KIAA0825: variants seen among roughly 807,000 people sequenced by gnomAD.
The protein encoded by KIAA0825 is KIAA0825, also known as uncharacterized protein KIAA0825.
A neutral mutation model predicts 147.6 loss-of-function variants in KIAA0825; 119 were observed. That is an observed-to-expected ratio of 0.81 (90% CI 0.69 to 0.94). KIAA0825 has a LOEUF of 0.94. Ranked by LOEUF, KIAA0825 falls within the 40% of genes least tolerant of loss-of-function variation. KIAA0825 has a pLI of 0.00. For synonymous variants in KIAA0825, 470 were observed against 518.1 expected, an observed-to-expected ratio of 0.91 and a Z score of 1.26; for missense variants, 1,381 against 1,472.7, an observed-to-expected ratio of 0.94 and a Z score of 1.02.
intron 1 of KIAA0825, among the ~76,000 whole-genome samples, chr5:94,584,049 A>G (rs1187215630): frequency 6.6e-6 from 1 of 152,200 alleles, no homozygotes; most frequent in African/African-American, 2.4e-5. Flanking sequence ...AACATCAAAG[A>G]CCAAAGGTTG....
intron 1 of KIAA0825, among the ~76,000 whole-genome samples, chr5:94,589,799 ATTTC>A (rs1372949365): frequency 6.6e-6 from 1 of 151,132 alleles, no homozygotes; most frequent in Non-Finnish European, 1.5e-5. Flanking sequence ...AATGAGCTTT[ATTTC>A]TTTATTTCCA....
At chr5:94,186,731 T>G (rs1441359364) in intron 20 of KIAA0825, among the ~76,000 whole-genome samples, 1 of 152,194 alleles carries the variant, frequency 6.6e-6, no homozygotes, top group Non-Finnish European at 1.5e-5. Flanking sequence ...GCATTGTTCA[T>G]TCATTAGAAA....
chr5:94,162,758 A>T (rs966752479), intron 20 of KIAA0825, among the ~76,000 whole-genome samples: 1 of 152,166 alleles, frequency 6.6e-6, no homozygotes, highest in Non-Finnish European at 1.5e-5. Flanking sequence ...CAAATATCTT[A>T]GTTTGGCTCA....
Position 94,403,685 on chromosome 5 carries a change from C to T in KIAA0825, c.2771G>A (p.Arg924Lys). 3.2e-6 allele frequency: 5 copies of T among 1,551,536 alleles called. No individual in the cohort carries two copies. The highest frequency in any genetic ancestry group is 2.4e-5 in the South Asian group (2 of 84,058). ...GTTTAGGTTTGTCTCACAGTTTCTCCTAGAACTCATTACAGATACTATCTG... is the reference window on the plus strand; with the variant it reads ...GTTTAGGTTTGTCTCACAGTTTCTCTTAGAACTCATTACAGATACTATCTG... The part of the protein sequence containing the change: ...VQQIVSVMSS[R>K]RNCETNLNKH... The change falls in exon 16 of 21, where the codon AGG becomes AAG. Residue 924 changes from arginine to lysine, a missense_variant. By Grantham distance (26) the Arg-to-Lys change is conservative. Transcript: ENST00000682413.
At chr5:94,596,616 G>A (rs1785364319) in intron 1 of KIAA0825, among the ~76,000 whole-genome samples, 1 of 152,160 alleles carries the variant, frequency 6.6e-6, no homozygotes, top group Admixed American at 6.5e-5. Flanking sequence ...TCTGAAGAAT[G>A]TCATTGGTAG....
intron 14 of KIAA0825, among the ~76,000 whole-genome samples, chr5:94,430,909 A>C (rs1034882554): frequency 6.6e-6 from 1 of 152,202 alleles, no homozygotes; most frequent in Admixed American, 6.5e-5. Flanking sequence ...ATAGAACTTG[A>C]GAATATTTAC....
At chr5:94,344,719 T>TA (rs1218508419) in intron 20 of KIAA0825, among the ~76,000 whole-genome samples, 1 of 152,188 alleles carries the variant, frequency 6.6e-6, no homozygotes, top group Non-Finnish European at 1.5e-5. Flanking sequence ...TACAATGCAA[T>TA]ATTGTTTGGC....
intron 20 of KIAA0825, among the ~76,000 whole-genome samples, chr5:94,229,760 T>A (rs1250507679): frequency 1.3e-5 from 2 of 152,116 alleles, no homozygotes; most frequent in African/African-American, 4.8e-5. Context: ...TAGTGCCTTG[T>A]TCTTGTTATA....
chr5:94,248,554 A>G (rs1369115215), intron 20 of KIAA0825, among the ~76,000 whole-genome samples: 1 of 152,168 alleles, frequency 6.6e-6, no homozygotes, highest in Admixed American at 6.5e-5. Context: ...GGTCACTCAC[A>G]TAGTAATTCC....
intron 20 of KIAA0825, among the ~76,000 whole-genome samples, chr5:94,263,043 A>C (rs1776575718): frequency 6.6e-6 from 1 of 152,186 alleles, no homozygotes; most frequent in African/African-American, 2.4e-5. Flanking sequence ...AGCTTGGGAC[A>C]GAAACATTGC....
At chr5:94,478,687 G>T (rs1339510093) in intron 6 of KIAA0825, among the ~76,000 whole-genome samples, 7 of 151,996 alleles carry the variant, frequency 4.6e-5, no homozygotes, top group Non-Finnish European at 2.9e-5. Flanking sequence ...TACAAATAAG[G>T]ATCACTTCTA....
At chr5:94,528,863 C>T (rs561355705) in intron 3 of KIAA0825, among the ~76,000 whole-genome samples, 118 of 151,082 alleles carry the variant, frequency 7.8e-4, no homozygotes, top group Non-Finnish European at 1.4e-3. Flanking sequence ...TGTGGTTTAT[C>T]CCAACAAAAC....
At position 94,152,846 on chromosome 5, in the gene KIAA0825, A is replaced by AT. The variant is rs1766624224; in HGVS notation, c.*1160_*1161insA. ...GAAAAAAAAAAAAAAAAAAAAAAAA[A>AT]AAAAAAAAATTATATATATATATAT... On this transcript the variant is annotated 3_prime_UTR_variant, in exon 21 of 21. Transcript: ENST00000682413. 8.3e-5 allele frequency: 3 copies of AT among 36,172 alleles called. No individual in the cohort carries two copies. The highest frequency in any genetic ancestry group is 1.7e-4 in the Non-Finnish European group (3 of 18,140). The allele number at this position is 36,172 out of a possible 1,614,324, so 2.2% of individuals were successfully genotyped here.
chr5:94,528,024 A>G (rs1769693502), intron 3 of KIAA0825, among the ~76,000 whole-genome samples: 1 of 152,180 alleles, frequency 6.6e-6, no homozygotes, highest in African/African-American at 2.4e-5. Context: ...TAAAAAGTTA[A>G]AAAGAATACT....
chr5:94,511,517 G>A (rs2151165505), intron 5 of KIAA0825, among the ~76,000 whole-genome samples: 1 of 152,328 alleles, frequency 6.6e-6, no homozygotes, highest in South Asian at 2.1e-4. Context: ...TTACTAGGGA[G>A]GCTGAGGCAG....
chr5:94,335,664 T>C (rs1781720605), intron 20 of KIAA0825, among the ~76,000 whole-genome samples: 3 of 152,104 alleles, frequency 2.0e-5, no homozygotes, highest in African/African-American at 7.2e-5. Flanking sequence ...TAAATAATAA[T>C]ATGAAATAAT....
At chr5:94,183,779 C>T (rs889085054) in intron 20 of KIAA0825, among the ~76,000 whole-genome samples, 1 of 152,180 alleles carries the variant, frequency 6.6e-6, no homozygotes, top group African/African-American at 2.4e-5. Context: ...CCATTCTGGA[C>T]CTCAGCCTAT....
chr5:94,436,616 G>A (rs1343167712), intron 14 of KIAA0825, among the ~76,000 whole-genome samples: 1 of 151,920 alleles, frequency 6.6e-6, no homozygotes, highest in Non-Finnish European at 1.5e-5. Context: ...TCTTTTTTTG[G>A]TTCCATATGA....
At chr5:94,545,769 A>G (rs995391807) in intron 2 of KIAA0825, among the ~76,000 whole-genome samples, 5 of 152,202 alleles carry the variant, frequency 3.3e-5, no homozygotes, top group Non-Finnish European at 7.3e-5. Flanking sequence ...ACTTTAGGTG[A>G]AACCTTGCAT....
Sources: gnomAD v4.1 joint callset for allele counts (sites outside exome capture counted in the v4.1 genomes callset) on GRCh38, gnomAD v4.1.1 for gene constraint, MANE v1.5 for transcripts, NCBI Gene and HGNC (gene_info 2026-07-23, HGNC 2026-07-21) for gene names.